The following CIAPIN1 variants were observed in gnomAD, a reference collection of about 807,000 sequenced individuals.
The protein encoded by CIAPIN1 is cytokine induced apoptosis inhibitor 1, also known as anamorsin.
Under a neutral mutation model 34.3 loss-of-function variants are expected in CIAPIN1, and 18 were observed. The ratio of observed to expected loss-of-function variants is 0.52; its 90% confidence interval spans 0.36 to 0.78. The LOEUF (loss-of-function observed/expected upper bound fraction) is 0.78, where lower values mean the gene tolerates loss of function less well. Among genes scored for constraint, CIAPIN1 ranks in the 30% least tolerant of loss-of-function variants. The pLI is 0.00. For synonymous variants in CIAPIN1, 131 were observed against 140.4 expected (o/e 0.93, Z 0.47); for missense variants, 310 against 372.5 (o/e 0.83, Z 1.38).
At chr16:57,445,232 G>C (rs2030006299) in intron 1 of CIAPIN1, among the ~76,000 whole-genome samples, 1 of 152,188 alleles carries the variant, frequency 6.6e-6, no homozygotes, top group Non-Finnish European at 1.5e-5. Flanking sequence ...ACTGGGCTGG[G>C]TGCAGTGACT....
At position 57,443,133 on chromosome 16, in the gene CIAPIN1, G is replaced by GTTT. The variant is rs59690029; in HGVS notation, c.-55-2153_-55-2151dup. ...TTAAAAAGACAATAATTCTGGTTTTGTTTTTTTTTTTTTTTTGCGGGGGTG... is the reference window on the plus strand; with the variant it reads ...TTAAAAAGACAATAATTCTGGTTTTGTTTTTTTTTTTTTTTTTTTGCGGGGGTG... On this transcript the variant is annotated intron_variant, in intron 1 of 8. Transcript: ENST00000394391. Among the ~76,000 whole-genome samples, 139 of 122,288 alleles carry GTTT rather than the reference G, an allele frequency of 1.1e-3. 2 individuals are homozygous for GTTT. Among genetic ancestry groups the GTTT allele is most frequent in the Non-Finnish European group, 1.8e-3 (103 of 58,680 alleles). 80.2% of individuals were successfully genotyped at this position (122,288 alleles called of 152,430 possible).
chr16:57,432,644 T>C (rs1903114491), intron 5 of CIAPIN1, 84 bp from the exon 6 acceptor site: 1 of 1,264,342 alleles, frequency 7.9e-7, no homozygotes, highest in East Asian at 2.4e-5. Context: ...CTTCCTGCTG[T>C]GTAGAAGAGA....
chr16:57,429,091 G>C lies in CIAPIN1; in HGVS notation c.*79C>G, dbSNP rs1294174596. On this transcript the variant is annotated 3_prime_UTR_variant, in exon 9 of 9. Transcript: ENST00000394391. Reference sequence around the variant, plus strand: ...TCTCAGAGTGAACAAATCCAGAGGAGGTGGGAGGAGCCACCATGGTGGGAT... The same window carrying C: ...TCTCAGAGTGAACAAATCCAGAGGACGTGGGAGGAGCCACCATGGTGGGAT... The C allele has an allele frequency of 2.1e-5, 20 of 955,744 alleles. No individual in the cohort carries two copies. The East Asian group carries it at 4.6e-4, about 22-fold the overall frequency. 59.2% of individuals were successfully genotyped at this position (955,744 alleles called of 1,614,324 possible). A position where few individuals can be genotyped will look rare whatever the true frequency, so the allele number is the denominator to read the frequency against.
chr16:57,430,453 C>A, intron 7 of CIAPIN1, 114 bp from the exon 8 acceptor site: 1 of 934,486 alleles, frequency 1.1e-6, no homozygotes, highest in South Asian at 1.4e-5. Flanking sequence ...TGTCATAACT[C>A]AGAAGCCTAT....
At chr16:57,444,957 C>A (rs1246367697) in intron 1 of CIAPIN1, among the ~76,000 whole-genome samples, 1 of 152,194 alleles carries the variant, frequency 6.6e-6, no homozygotes, top group African/African-American at 2.4e-5. Flanking sequence ...CCAACTCTGA[C>A]TGAGGCACAC....
chr16:57,433,381 A>G (rs1903129917), intron 5 of CIAPIN1, among the ~76,000 whole-genome samples: 1 of 152,224 alleles, frequency 6.6e-6, no homozygotes, highest in South Asian at 2.1e-4. Context: ...TTAGATTCCA[A>G]AGGATTTCTT....
At chr16:57,430,626 C>A in intron 7 of CIAPIN1, 1 of 364,528 alleles carries the variant, frequency 2.7e-6, no homozygotes, top group Non-Finnish European at 5.0e-6. Flanking sequence ...CCATATTTTC[C>A]AAATTCAAGA....
At chr16:57,435,326 T>G (rs1040230264) in intron 4 of CIAPIN1, among the ~76,000 whole-genome samples, 1 of 152,230 alleles carries the variant, frequency 6.6e-6, no homozygotes, top group Non-Finnish European at 1.5e-5. Context: ...TCCTGTACAG[T>G]CTGCAGAACA....
At chr16:57,433,263 G>A (rs1903127817) in intron 5 of CIAPIN1, among the ~76,000 whole-genome samples, 1 of 152,166 alleles carries the variant, frequency 6.6e-6, no homozygotes, top group African/African-American at 2.4e-5. Flanking sequence ...AGGCCCTTGG[G>A]GTAAGAGTAC....
intron 4 of CIAPIN1, 95 bp downstream of exon 4, chr16:57,436,561 G>C: frequency 1.1e-6 from 1 of 926,266 alleles, no homozygotes; most frequent in Non-Finnish European, 1.7e-6. Context: ...GAAGCATCAT[G>C]TATCTTACAT....
At chr16:57,432,158 G>A (rs183884800) in intron 6 of CIAPIN1, among the ~76,000 whole-genome samples, 2 of 152,104 alleles carry the variant, frequency 1.3e-5, no homozygotes, top group Non-Finnish European at 2.9e-5. Flanking sequence ...TGCTAAAAAC[G>A]CAAAAATTGG....
intron 3 of CIAPIN1, among the ~76,000 whole-genome samples, chr16:57,437,088 C>T (rs1253210016): frequency 2.0e-5 from 3 of 152,140 alleles, no homozygotes; most frequent in Non-Finnish European, 4.4e-5. Context: ...GATTGCACCA[C>T]TGCACTCTTG....
chr16:57,435,775 C>T (rs544264944), intron 4 of CIAPIN1, among the ~76,000 whole-genome samples: 1 of 152,226 alleles, frequency 6.6e-6, no homozygotes, highest in East Asian at 1.9e-4. Flanking sequence ...GCCTGGGCAA[C>T]AGAGCGAGAC....
chr16:57,446,184 C>T (rs2030060243), intron 1 of CIAPIN1, among the ~76,000 whole-genome samples: 1 of 152,154 alleles, frequency 6.6e-6, no homozygotes, highest in African/African-American at 2.4e-5. Flanking sequence ...ACAGGAACGT[C>T]TCCAGGCATT....
At position 57,436,739 on chromosome 16, in the gene CIAPIN1, A is replaced by G. The variant is rs1205915271; in HGVS notation, c.311-7T>C. On this transcript the variant is annotated splice_region_variant and splice_polypyrimidine_tract_variant and intron_variant, in intron 3 of 8. Coordinates refer to ENST00000394391, the MANE Select transcript of CIAPIN1 (RefSeq NM_020313.4). The stretch of plus-strand genomic sequence containing the variant: ...TTCACTTTGCTATTGTTATCTGCCA[A>G]AAGGAAAATCCCAATTAATAGCTTT... 3.7e-6 allele frequency: 6 copies of G among 1,612,288 alleles called. No homozygotes were observed. Among genetic ancestry groups the G allele is most frequent in the Non-Finnish European group, 5.1e-6 (6 of 1,178,546 alleles).
chr16:57,437,847 G>A (rs1437037725), intron 3 of CIAPIN1, among the ~76,000 whole-genome samples: 2 of 152,076 alleles, frequency 1.3e-5, no homozygotes, highest in African/African-American at 2.4e-5. Flanking sequence ...ATTTTAATTT[G>A]ACAAATCCTT....
chr16:57,428,867 T>C lies in CIAPIN1; in HGVS notation c.*303A>G. ...TCAACGATGCCTGGGCTCAAGAGCG[T>C]TCTGGTCAGCATTTTAACATCAGAA... On this transcript the variant is annotated 3_prime_UTR_variant, in exon 9 of 9. Transcript: ENST00000394391. 1 of 283,398 alleles carries C rather than the reference T, an allele frequency of 3.5e-6. No individual in the cohort carries two copies. The highest frequency in any genetic ancestry group is 6.7e-6 in the Non-Finnish European group (1 of 149,102). The allele number at this position is 283,398 out of a possible 1,614,324, so 17.6% of individuals were successfully genotyped here.
intron 3 of CIAPIN1, among the ~76,000 whole-genome samples, chr16:57,437,498 T>A (rs115390972): frequency 0.017 from 2,635 of 150,934 alleles, 78 homozygotes; most frequent in African/African-American, 0.061. Context: ...GTATATATAT[T>A]TTAGTGATAT....
intron 5 of CIAPIN1, among the ~76,000 whole-genome samples, chr16:57,433,453 A>G (rs1374718302): frequency 6.6e-6 from 1 of 152,152 alleles, no homozygotes; most frequent in Non-Finnish European, 1.5e-5. Context: ...ATATCTGTTA[A>G]TGTCTGCATA....
Sources: gnomAD v4.1 joint callset for allele counts (sites outside exome capture counted in the v4.1 genomes callset) on GRCh38, gnomAD v4.1.1 for gene constraint, MANE v1.5 for transcripts, NCBI Gene and HGNC (gene_info 2026-07-23, HGNC 2026-07-21) for gene names.